Variants in RXFP2 observed in about 807,000 individuals in gnomAD.
The protein encoded by RXFP2 is relaxin family peptide receptor 2.
In RXFP2, 68 loss-of-function variants were observed where a neutral mutation model predicts 88.6. That is an observed-to-expected ratio of 0.77 (90% CI 0.63 to 0.94). The LOEUF (loss-of-function observed/expected upper bound fraction) is 0.94. RXFP2 is among the 40% of genes least tolerant of loss of function. RXFP2 has a pLI of 0.00. For missense variants in RXFP2, 791 were observed against 893.9 expected (o/e 0.88, Z 1.47); for synonymous variants, 329 against 306.8 (o/e 1.07, Z -0.76).
At chr13:31,796,415 T>G (rs1874051557) in intron 16 of RXFP2, among the ~76,000 whole-genome samples, 1 of 151,906 alleles carries the variant, frequency 6.6e-6, no homozygotes, top group Non-Finnish European at 1.5e-5. Flanking sequence ...AAAATTATTT[T>G]TATTTATTTT....
At chr13:31,802,118 T>C (rs951647985) in intron 17 of RXFP2, 28 bp from the exon 18 acceptor site, 1 of 1,613,156 alleles carries the variant, frequency 6.2e-7, no homozygotes. Context: ...ACTTCAACTT[T>C]TTTTTCACAC....
chr13:31,756,872 C>T (rs779508887), intron 1 of RXFP2, among the ~76,000 whole-genome samples: 3 of 152,066 alleles, frequency 2.0e-5, no homozygotes, highest in East Asian at 3.9e-4. Flanking sequence ...TTCCCCACCT[C>T]GGCCTCAAAG....
At position 31,789,163 on chromosome 13, in the gene RXFP2, T is replaced by C; in HGVS notation, c.1115T>C (p.Met372Thr). The change falls in exon 14 of 18, where the codon ATG (methionine) becomes ACG (threonine). Residue 372 changes from methionine (M) to threonine (T), a missense_variant. Transcript: ENST00000298386. ...RIEIPNINTR[M>T]FQPMKNLSHI... ...GAGATTCCAAATATAAACACACGAA[T>C]GTTTCAACCCATGAAGAATCTTTCT... 1 of 1,608,852 alleles carries C rather than the reference T, an allele frequency of 6.2e-7. No homozygotes were observed. Among genetic ancestry groups the C allele is most frequent in the South Asian group, 1.1e-5 (1 of 90,978 alleles).
At chr13:31,767,716 C>T (rs1242052547) in intron 5 of RXFP2, among the ~76,000 whole-genome samples, 1 of 152,058 alleles carries the variant, frequency 6.6e-6, no homozygotes, top group Non-Finnish European at 1.5e-5. Flanking sequence ...AGTGGAAGAC[C>T]CAGAATTAGA....
intron 13 of RXFP2, 109 bp from the exon 14 acceptor site, chr13:31,789,013 G>A (rs1873674385): frequency 7.9e-6 from 6 of 760,796 alleles, no homozygotes; most frequent in Non-Finnish European, 1.4e-5. Context: ...ATTCTAATCT[G>A]CATTGGTAAC....
Position 31,742,463 on chromosome 13 carries a change from T to G in RXFP2, c.94+2757T>G, listed in dbSNP as rs574476766. ...AATCAATTATGTTTCAGGCCAGTCA[T>G]CCCGAAGACTGACCTGCTTGCGGGC... On this transcript the variant is annotated intron_variant, in intron 1 of 17. Coordinates refer to ENST00000298386, the MANE Select transcript of RXFP2 (RefSeq NM_130806.5). Among the ~76,000 whole-genome samples, 13 of 152,312 alleles carry G rather than the reference T, an allele frequency of 8.5e-5. No homozygotes were observed. The East Asian group carries it at 1.9e-3, about 23-fold the overall frequency.
chr13:31,762,747 T>C (rs971161648), intron 3 of RXFP2, among the ~76,000 whole-genome samples: 2 of 152,184 alleles, frequency 1.3e-5, no homozygotes, highest in African/African-American at 4.8e-5. Context: ...TACACAAGAA[T>C]ATTCTGTATG....
chr13:31,767,981 A>T (rs1010926481), intron 5 of RXFP2, among the ~76,000 whole-genome samples: 1 of 152,146 alleles, frequency 6.6e-6, no homozygotes, highest in African/African-American at 2.4e-5. Context: ...TTGGTCTATT[A>T]ACTCATAACT....
chr13:31,760,250 A>T (rs975235059), intron 2 of RXFP2, among the ~76,000 whole-genome samples: 2 of 151,894 alleles, frequency 1.3e-5, no homozygotes, highest in Non-Finnish European at 2.9e-5. Flanking sequence ...CACCATGCCC[A>T]GCTAATTTTT....
rs9532479 is a variant in RXFP2, at chr13:31,761,743, G to A, written c.261G>A (p.Ala87=). The A allele has an allele frequency of 0.055, 88,272 of 1,610,516 alleles. 2,636 individuals carry two copies. The highest frequency in any genetic ancestry group is 0.077 in the East Asian group (3,465 of 44,806). Residue 87 remains alanine (A), a synonymous_variant, in exon 3 of 18, where the codon GCG becomes GCA. Coordinates refer to ENST00000298386, the MANE Select transcript of RXFP2 (RefSeq NM_130806.5). The stretch of plus-strand genomic sequence containing the variant: ...TCACAGGTGACACTAGTGGATGGGC[G>A]ACCATATTTGGCACAGTGCATGGAA... ...EENCGDTSGW[A]TIFGTVHGNA...
chr13:31,786,608 G>C lies in RXFP2; in HGVS notation c.1044G>C (p.Gln348His), dbSNP rs1180226464. The C allele has an allele frequency of 1.2e-6, 2 of 1,603,326 alleles. No individual in the cohort carries two copies. The highest frequency in any genetic ancestry group is 1.7e-6 in the Non-Finnish European group (2 of 1,171,440). ...SNPLMYLHKN[Q>H]FESLKQLQSL... ...CTCTTATGTATCTTCACAAGAACCA[G>C]TTTGAAAGTCTTAAACAACTTCAGT... Residue 348 changes from glutamine (Q) to histidine (H), a missense_variant, in exon 13 of 18, where the codon CAG (glutamine) becomes CAC (histidine). Transcript: ENST00000298386.
chr13:31,801,238 T>C (rs901946346), intron 17 of RXFP2, among the ~76,000 whole-genome samples: 1 of 152,016 alleles, frequency 6.6e-6, no homozygotes, highest in Non-Finnish European at 1.5e-5. Context: ...GGGAGTTCCT[T>C]GAAATTGTGA....
intron 16 of RXFP2, among the ~76,000 whole-genome samples, chr13:31,796,550 T>G (rs1874058484): frequency 6.6e-6 from 1 of 152,206 alleles, no homozygotes. Flanking sequence ...CAAAAATAGC[T>G]TCTTTTCATG....
At chr13:31,769,904 A>T (rs1222977455) in intron 5 of RXFP2, among the ~76,000 whole-genome samples, 1 of 152,174 alleles carries the variant, frequency 6.6e-6, no homozygotes, top group Non-Finnish European at 1.5e-5. Flanking sequence ...TCTCATAATT[A>T]TGTCATCTGC....
At chr13:31,750,830 T>C (rs987300284) in intron 1 of RXFP2, among the ~76,000 whole-genome samples, 2 of 152,164 alleles carry the variant, frequency 1.3e-5, no homozygotes, top group African/African-American at 2.4e-5. Flanking sequence ...AATGAAAGTG[T>C]GGTAAAGAAG....
chr13:31,765,910 T>A, intron 4 of RXFP2, 46 bp from the exon 5 acceptor site: 1 of 901,512 alleles, frequency 1.1e-6, no homozygotes, highest in South Asian at 1.4e-5. Flanking sequence ...AAGAGTGGGT[T>A]GGCCATAACA....
At chr13:31,801,064 T>G (rs977256904) in intron 17 of RXFP2, among the ~76,000 whole-genome samples, 2 of 150,796 alleles carry the variant, frequency 1.3e-5, no homozygotes, top group Non-Finnish European at 1.5e-5. Flanking sequence ...GAAGAAGACA[T>G]AGAGAGGAAG....
At chr13:31,771,358 G>A (rs1872728755) in intron 5 of RXFP2, among the ~76,000 whole-genome samples, 1 of 152,204 alleles carries the variant, frequency 6.6e-6, no homozygotes, top group South Asian at 2.1e-4. Flanking sequence ...CGGATCAGCA[G>A]TGGCATTAGA....
chr13:31,765,150 AAACT>A lies in RXFP2; in HGVS notation c.425+9_425+12del, dbSNP rs746789143. 1 of 1,503,816 alleles carries A rather than the reference AAACT, an allele frequency of 6.6e-7. No individual in the cohort carries two copies. The highest frequency in any genetic ancestry group is 1.1e-5 in the South Asian group (1 of 88,784). 93.2% of individuals were successfully genotyped at this position (1,503,816 alleles called of 1,614,324 possible). On this transcript the variant is annotated intron_variant, in intron 4 of 17. Coordinates refer to ENST00000298386, the MANE Select transcript of RXFP2 (RefSeq NM_130806.5). ...TAACAATGTGACATTACTGTGAGTA[AAACT>A]TAATTATTGGTGATATCTGTCCCTA... is the stretch of plus-strand genomic sequence containing the variant.
Sources: gnomAD v4.1 joint callset for allele counts (sites outside exome capture counted in the v4.1 genomes callset) on GRCh38, gnomAD v4.1.1 for gene constraint, MANE v1.5 for transcripts, NCBI Gene and HGNC (gene_info 2026-07-23, HGNC 2026-07-21) for gene names.